PSMA5: variants seen among roughly 807,000 people sequenced by gnomAD.
PSMA5 encodes the protein proteasome 20S subunit alpha 5.
Under a neutral mutation model 34.5 loss-of-function variants are expected in PSMA5, and 3 were observed. That is an observed-to-expected ratio of 0.09 (90% CI 0.04 to 0.22). PSMA5 has a LOEUF of 0.22. PSMA5 is among the 10% of genes least tolerant of loss of function. The pLI, the probability that PSMA5 is intolerant of heterozygous loss-of-function variation, is 1.00. For synonymous variants in PSMA5, 88 were observed against 95.8 expected (o/e 0.92, Z 0.47); for missense variants, 120 against 286.1 (o/e 0.42, Z 4.19).
In PSMA5 at chr1:109,426,405, CG is replaced by C; in HGVS notation, c.-76del. 6.3e-7 allele frequency: 1 copy of C among 1,574,930 alleles called. No individual in the cohort carries two copies. The highest frequency in any genetic ancestry group is 1.1e-5 in the South Asian group (1 of 90,244). ...ACGACTCCACCGGCACCCAACTCACCGGCAGCCAACTCACCCACACGGCCGC... is the reference window on the plus strand; with the variant it reads ...ACGACTCCACCGGCACCCAACTCACCGCAGCCAACTCACCCACACGGCCGC... On this transcript the variant is annotated 5_prime_UTR_variant, in exon 1 of 9. Coordinates refer to ENST00000271308, the MANE Select transcript of PSMA5 (RefSeq NM_002790.4).
chr1:109,413,463 C>T (rs551872823), intron 3 of PSMA5, among the ~76,000 whole-genome samples: 7 of 152,158 alleles, frequency 4.6e-5, no homozygotes, highest in Non-Finnish European at 7.4e-5. Flanking sequence ...CATTTTCAAA[C>T]GAAGCAAATA....
In PSMA5 at chr1:109,415,634, T is replaced by C. The variant is rs576701794; in HGVS notation, c.97-271A>G. The stretch of plus-strand genomic sequence containing the variant: ...AATTTTTAATGTTTTCTTTATAATT[T>C]ACCCATGTAATTCCCAGAACCCCAA... On this transcript the variant is annotated intron_variant, in intron 2 of 8. Coordinates refer to ENST00000271308, the MANE Select transcript of PSMA5 (RefSeq NM_002790.4). 7.9e-5 allele frequency among the ~76,000 whole-genome samples: 12 copies of C among 152,306 alleles called. No homozygotes were observed. The South Asian group carries it at 2.5e-3, about 32-fold the overall frequency.
chr1:109,411,123 C>G lies in PSMA5; in HGVS notation c.459-10G>C. 1.2e-6 allele frequency: 2 copies of G among 1,602,504 alleles called. No individual in the cohort carries two copies. The highest frequency in any genetic ancestry group is 1.7e-6 in the Non-Finnish European group (2 of 1,171,772). On this transcript the variant is annotated splice_polypyrimidine_tract_variant and intron_variant, in intron 6 of 8. Transcript: ENST00000271308. ...TGGGTCCATATGAAACCTGCAAAAC[C>G]CCCAAAATGAGGACTAAAATGCTCA...
rs574867784 is a variant in PSMA5, at chr1:109,425,902, G to A, written c.29+400C>T. 5 of 241,166 alleles carry A rather than the reference G, an allele frequency of 2.1e-5. No individual in the cohort carries two copies. In the South Asian group the frequency reaches 4.0e-4, roughly 19 times the overall value. 14.9% of individuals were successfully genotyped at this position (241,166 alleles called of 1,614,324 possible). On this transcript the variant is annotated intron_variant, in intron 1 of 8. Transcript: ENST00000271308. The stretch of plus-strand genomic sequence containing the variant: ...CAGCATGCCCTACTACAAACCAGTT[G>A]CTTTTTCTTCCAGGAAGCACGTTTA...
At chr1:109,409,605 T>C (rs1653915607) in intron 8 of PSMA5, among the ~76,000 whole-genome samples, 1 of 152,198 alleles carries the variant, frequency 6.6e-6, no homozygotes. Context: ...ATGCCAGCTA[T>C]GATATCTGAA....
At chr1:109,421,959 CAT>C in intron 1 of PSMA5, 33 bp from the exon 2 acceptor site, 2 of 1,355,914 alleles carry the variant, frequency 1.5e-6, no homozygotes. Flanking sequence ...TAATTATACT[CAT>C]AAAAACTAGC....
At chr1:109,407,923 G>T (rs1234251997) in intron 8 of PSMA5, among the ~76,000 whole-genome samples, 1 of 152,128 alleles carries the variant, frequency 6.6e-6, no homozygotes, top group Admixed American at 6.5e-5. Flanking sequence ...GGGATTACTG[G>T]CCTCAACTAC....
intron 8 of PSMA5, among the ~76,000 whole-genome samples, chr1:109,408,110 C>T (rs374960431): frequency 6.6e-6 from 1 of 152,134 alleles, no homozygotes; most frequent in Admixed American, 6.5e-5. Context: ...TACCGCCAAA[C>T]CCACCTATCT....
Position 109,415,220 on chromosome 1 carries a change from T to C in PSMA5, c.223+17A>G. 6.2e-7 allele frequency: 1 copy of C among 1,609,652 alleles called. No homozygotes were observed. The highest frequency in any genetic ancestry group is 8.5e-7 in the Non-Finnish European group (1 of 1,177,290). On this transcript the variant is annotated intron_variant, in intron 3 of 8. Coordinates refer to ENST00000271308, the MANE Select transcript of PSMA5 (RefSeq NM_002790.4). ...CCCAGACCAGATCCTACAGAACAGCTTTCCTCCACTCCTTACCTATGTGAG... is the reference window on the plus strand; with the variant it reads ...CCCAGACCAGATCCTACAGAACAGCCTTCCTCCACTCCTTACCTATGTGAG...
chr1:109,426,266 C>T (rs750333355), intron 1 of PSMA5, 36 bp downstream of exon 1: 4 of 1,613,324 alleles, frequency 2.5e-6, no homozygotes, highest in Admixed American at 3.3e-5. Flanking sequence ...CCTGCCCACC[C>T]ATAATTCCCA....
intron 1 of PSMA5, among the ~76,000 whole-genome samples, chr1:109,424,461 C>T (rs1030947591): frequency 3.3e-5 from 5 of 152,082 alleles, no homozygotes; most frequent in Non-Finnish European, 5.9e-5. Flanking sequence ...CAGGCATGAG[C>T]CACTGTACCT....
chr1:109,413,683 C>T (rs1300275457), intron 3 of PSMA5, among the ~76,000 whole-genome samples: 2 of 152,188 alleles, frequency 1.3e-5, no homozygotes, highest in Non-Finnish European at 2.9e-5. Context: ...TCTAAATCTC[C>T]AGCCTAAGTT....
In PSMA5 at chr1:109,401,887, G is replaced by T; in HGVS notation, c.*126C>A. 2.0e-5 allele frequency: 13 copies of T among 643,060 alleles called. No individual in the cohort carries two copies. Among genetic ancestry groups the T allele is most frequent in the Middle Eastern group, 2.8e-4 (1 of 3,548 alleles). 39.8% of individuals were successfully genotyped at this position (643,060 alleles called of 1,614,324 possible). On this transcript the variant is annotated 3_prime_UTR_variant, in exon 9 of 9. Coordinates refer to ENST00000271308, the MANE Select transcript of PSMA5 (RefSeq NM_002790.4). The stretch of plus-strand genomic sequence containing the variant: ...TTCTTTATTTCAGAACTGCCTTTAT[G>T]TACAGACATCATTTAAAAAATGCAC...
rs1653431455 is a variant in PSMA5 at position 109,399,850 on chromosome 1, CTT to C, written c.*2161_*2162del. The C allele has an allele frequency of 6.6e-6, 1 of 152,256 alleles. No homozygotes were observed. Among genetic ancestry groups the C allele is most frequent in the Admixed American group, 6.5e-5 (1 of 15,296 alleles). 9.4% of individuals were successfully genotyped at this position (152,256 alleles called of 1,614,324 possible). A position where few individuals can be genotyped will look rare whatever the true frequency, so the allele number is the denominator to read the frequency against. On this transcript the variant is annotated 3_prime_UTR_variant, in exon 9 of 9. Coordinates refer to ENST00000271308, the MANE Select transcript of PSMA5 (RefSeq NM_002790.4). ...TATAAAAGTGGCACTGTCAGTTCTC[CTT>C]TGTGAGATACTGGACATAAGATTTC...
Position 109,411,862 on chromosome 1 carries a change from C to A in PSMA5, c.458+15G>T. The A allele has an allele frequency of 8.7e-6, 14 of 1,601,550 alleles. No homozygotes were observed. The highest frequency in any genetic ancestry group is 1.1e-5 in the South Asian group (1 of 90,830). On this transcript the variant is annotated intron_variant, in intron 6 of 8. Coordinates refer to ENST00000271308, the MANE Select transcript of PSMA5 (RefSeq NM_002790.4). ...CCTGCAAAAGCATGGGGGAAAATTACAAAATGGTACTTACAGCTGGGGTCC... is the reference window on the plus strand; with the variant it reads ...CCTGCAAAAGCATGGGGGAAAATTAAAAAATGGTACTTACAGCTGGGGTCC...
At chr1:109,412,974 G>T in intron 4 of PSMA5, 94 bp downstream of exon 4, 1 of 1,062,500 alleles carries the variant, frequency 9.4e-7, no homozygotes, top group Non-Finnish European at 1.4e-6. Flanking sequence ...ATCTAATATT[G>T]ACACAGGTAC....
rs2100947206 is a variant in PSMA5 at position 109,400,702 on chromosome 1, ATGT to A, written c.*1308_*1310del. 1 of 152,356 alleles carries A rather than the reference ATGT, an allele frequency of 6.6e-6. No homozygotes were observed. The highest frequency in any genetic ancestry group is 2.4e-5 in the African/African-American group (1 of 41,588). 9.4% of individuals were successfully genotyped at this position (152,356 alleles called of 1,614,324 possible). The stretch of plus-strand genomic sequence containing the variant: ...TTGCAGTTTCCAAATGTATATAAAC[ATGT>A]TGTTTTTTGTTGAACTACAGTATGG... On this transcript the variant is annotated 3_prime_UTR_variant, in exon 9 of 9. Coordinates refer to ENST00000271308, the MANE Select transcript of PSMA5 (RefSeq NM_002790.4).
intron 1 of PSMA5, among the ~76,000 whole-genome samples, 161 bp from the exon 2 acceptor site, chr1:109,422,087 AAC>A (rs757843648): frequency 6.6e-6 from 1 of 152,196 alleles, no homozygotes; most frequent in Non-Finnish European, 1.5e-5. Context: ...TTTGTACATT[AAC>A]AGTTTCTCAA....
At chr1:109,408,394 TG>T (rs1653868260) in intron 8 of PSMA5, among the ~76,000 whole-genome samples, 1 of 152,204 alleles carries the variant, frequency 6.6e-6, no homozygotes, top group African/African-American at 2.4e-5. Context: ...GCTTCCCTAA[TG>T]CTTTAGTCTA....
Sources: gnomAD v4.1 joint callset for allele counts (sites outside exome capture counted in the v4.1 genomes callset) on GRCh38, gnomAD v4.1.1 for gene constraint, MANE v1.5 for transcripts, NCBI Gene and HGNC (gene_info 2026-07-23, HGNC 2026-07-21) for gene names.